Variants in MTA3 observed in about 807,000 individuals in gnomAD.
MTA3 encodes the protein metastasis-associated protein MTA3.
Under a neutral mutation model 83.5 loss-of-function variants are expected in MTA3, and 34 were observed. The ratio of observed to expected loss-of-function variants is 0.41; its 90% CI spans 0.31 to 0.54. The LOEUF (loss-of-function observed/expected upper bound fraction) is 0.54, where lower values mean the gene tolerates loss of function less well. MTA3 is among the 20% of genes least tolerant of loss of function. The pLI is 0.33. For synonymous variants in MTA3, 303 were observed against 252.7 expected (o/e 1.20, Z -1.89); for missense variants, 761 against 726.4 (o/e 1.05, Z -0.55).
At chr2:42,730,363 G>GTT (rs1180924653) in intron 16 of MTA3, among the ~76,000 whole-genome samples, 1 of 152,120 alleles carries the variant, frequency 6.6e-6, no homozygotes, top group African/African-American at 2.4e-5. Flanking sequence ...TGTTATATAT[G>GTT]GCTTTTATTG....
Position 42,611,906 on chromosome 2 carries a change from A to G in MTA3, c.317+2322A>G, listed in dbSNP as rs907641129. Among the ~76,000 whole-genome samples the G allele has an allele frequency of 5.3e-5, 8 of 152,154 alleles. No homozygotes were observed. The East Asian group carries it at 5.8e-4, about 11-fold the overall frequency. On this transcript the variant is annotated intron_variant, in intron 4 of 16. Transcript: ENST00000405094. ...CCCAGATTGGTCATGAGCTCCAGCA[A>G]TCTTCTTGCCTCAGTCTCCTGAATG...
At chr2:42,744,857 G>C (rs566894762) in intron 16 of MTA3, among the ~76,000 whole-genome samples, 19 of 152,140 alleles carry the variant, frequency 1.2e-4, no homozygotes, top group Non-Finnish European at 2.5e-4. Context: ...ATTGATTTAG[G>C]CATCCCCCTG....
chr2:42,540,761 A>G (rs923675367), intron 2 of MTA3, among the ~76,000 whole-genome samples: 4 of 151,426 alleles, frequency 2.6e-5, no homozygotes, highest in Non-Finnish European at 4.4e-5. Context: ...CTTGATCCCA[A>G]GAGTTTGTGG....
intron 4 of MTA3, among the ~76,000 whole-genome samples, chr2:42,619,686 TAAC>T (rs1348362023): frequency 6.6e-6 from 1 of 152,194 alleles, no homozygotes; most frequent in Non-Finnish European, 1.5e-5. Context: ...AGGGAAGGAC[TAAC>T]AACAATGAAA....
intron 13 of MTA3, among the ~76,000 whole-genome samples, chr2:42,708,470 G>T (rs773800742): frequency 1.3e-5 from 2 of 152,160 alleles, no homozygotes; most frequent in South Asian, 4.1e-4. Flanking sequence ...GTGAACAACA[G>T]TTTAAATGTG....
chr2:42,555,249 G>T (rs1292874152), intron 2 of MTA3, among the ~76,000 whole-genome samples: 3 of 151,254 alleles, frequency 2.0e-5, no homozygotes, highest in Non-Finnish European at 4.4e-5. Context: ...GATTAACTGA[G>T]GTCGGGAGTT....
chr2:42,653,528 C>G (rs1688899636), intron 6 of MTA3, among the ~76,000 whole-genome samples: 1 of 152,136 alleles, frequency 6.6e-6, no homozygotes, highest in Non-Finnish European at 1.5e-5. Context: ...TTGGTCTGTT[C>G]AAAATGGGAA....
intron 2 of MTA3, among the ~76,000 whole-genome samples, chr2:42,562,454 G>A (rs1179803663): frequency 6.6e-6 from 1 of 152,140 alleles, no homozygotes; most frequent in Non-Finnish European, 1.5e-5. Flanking sequence ...GGGCTGGGAA[G>A]AAGGAGTGAG....
At chr2:42,655,543 A>G (rs1192554033) in intron 6 of MTA3, among the ~76,000 whole-genome samples, 2 of 151,994 alleles carry the variant, frequency 1.3e-5, no homozygotes, top group Non-Finnish European at 2.9e-5. Flanking sequence ...CTCTTATTCT[A>G]TTTATTTGGT....
chr2:42,551,357 A>C (rs796762965), intron 2 of MTA3, among the ~76,000 whole-genome samples: 1 of 151,792 alleles, frequency 6.6e-6, no homozygotes, highest in Non-Finnish European at 1.5e-5. Flanking sequence ...TGCCTGGCTA[A>C]GTTTTATATT....
Position 42,713,217 on chromosome 2 carries a change from T to G in MTA3, c.1525+4121T>G, listed in dbSNP as rs908820332. On this transcript the variant is annotated intron_variant, in intron 14 of 16. Transcript: ENST00000405094. ...ACTTGAATGGGCCACAGTATTCCCC[T>G]GTATGAGGTTATTTGGGAGGAACCT... Among the ~76,000 whole-genome samples, 4 of 152,336 alleles carry G rather than the reference T, an allele frequency of 2.6e-5. No homozygotes were observed. In the East Asian group the frequency reaches 7.7e-4, roughly 29 times the overall value.
chr2:42,605,242 G>A (rs1683127333), intron 3 of MTA3, among the ~76,000 whole-genome samples: 2 of 118,276 alleles, frequency 1.7e-5, no homozygotes, highest in Admixed American at 8.0e-5. Context: ...CTCCCGGACG[G>A]GGCGGCTGGC....
At chr2:42,571,135 G>A (rs1318090648) in intron 2 of MTA3, among the ~76,000 whole-genome samples, 2 of 152,088 alleles carry the variant, frequency 1.3e-5, no homozygotes, top group African/African-American at 4.8e-5. Flanking sequence ...GCTCACCCCT[G>A]TAATCCCAGC....
intron 2 of MTA3, among the ~76,000 whole-genome samples, chr2:42,508,026 A>T (rs1403121829): frequency 6.6e-6 from 1 of 151,480 alleles, no homozygotes; most frequent in East Asian, 1.9e-4. Context: ...CTTTTTCCTG[A>T]GGCCCATTCT....
intron 4 of MTA3, among the ~76,000 whole-genome samples, chr2:42,635,854 CT>C (rs1687142124): frequency 6.6e-6 from 1 of 152,036 alleles, no homozygotes. Flanking sequence ...GCACCTCCTT[CT>C]CCCAGGTTCA....
intron 11 of MTA3, among the ~76,000 whole-genome samples, chr2:42,701,291 C>CA (rs35602598): frequency 0.61 from 42,681 of 69,616 alleles, 12,831 homozygotes; most frequent in East Asian, 0.86. Context: ...GACCCTGCCT[C>CA]AAAAAAAAAA....
chr2:42,565,780 G>C (rs2103810202), upstream of MTA3, among the ~76,000 whole-genome samples: 2 of 152,208 alleles, frequency 1.3e-5, no homozygotes, highest in South Asian at 4.2e-4. Context: ...TGGGCAGGCA[G>C]ATCACTTGAG....
In MTA3 at chr2:42,698,453, TG is replaced by T. The variant is rs1693584184; in HGVS notation, c.1025+623del. 2 of 152,126 alleles carry T rather than the reference TG, an allele frequency of 1.3e-5. 1 individual carries two copies. The highest frequency in any genetic ancestry group is 4.1e-4 in the South Asian group (2 of 4,828). 9.4% of individuals were successfully genotyped at this position (152,126 alleles called of 1,614,324 possible). ...GTTCACGCCTATAATCCCAGCACTT[TG>T]GGGAACCTCGTTTCTGCAAAAAATT... On this transcript the variant is annotated intron_variant, in intron 11 of 16. Transcript: ENST00000405094.
Position 42,608,791 on chromosome 2 carries a change from C to A in MTA3, c.191-667C>A, listed in dbSNP as rs530582826. Among the ~76,000 whole-genome samples the A allele has an allele frequency of 8.3e-3, 1,263 of 152,056 alleles. 6 individuals carry two copies. Among genetic ancestry groups the A allele is most frequent in the Non-Finnish European group, 0.011 (725 of 68,000 alleles). Reference sequence around the variant, plus strand: ...CACAGCTACTCTGGAGGCTAAGGCACAAGAATTGCTTGAACCTAGGTGGTG... The same window carrying A: ...CACAGCTACTCTGGAGGCTAAGGCAAAAGAATTGCTTGAACCTAGGTGGTG... On this transcript the variant is annotated intron_variant, in intron 3 of 16. Transcript: ENST00000405094.
Sources: allele counts gnomAD v4.1 joint callset (sites outside exome capture counted in the v4.1 genomes callset), GRCh38; gene constraint gnomAD v4.1.1; transcripts MANE v1.5; gene names NCBI Gene and HGNC (gene_info 2026-07-23, HGNC 2026-07-21).